GPHN: variants seen among roughly 807,000 people sequenced by gnomAD.
GPHN encodes the protein gephyrin.
A neutral mutation model predicts 95.5 loss-of-function variants in GPHN; 17 were observed. That is an observed-to-expected ratio of 0.18 (90% CI 0.12 to 0.27). GPHN has a LOEUF of 0.27. GPHN is among the 10% of genes least tolerant of loss of function. GPHN has a pLI of 1.00. For missense variants in GPHN, 660 were observed against 978.1 expected (o/e 0.67, Z 4.34); for synonymous variants, 320 against 322.5 (o/e 0.99, Z 0.08).
the GPHN span, among the ~76,000 whole-genome samples, chr14:67,300,068 T>A: frequency 6.6e-6 from 1 of 152,116 alleles, no homozygotes; most frequent in African/African-American, 2.4e-5. Context: ...ATTGTAAGAT[T>A]TTAGTTGAGT....
chr14:67,355,619 C>G, the GPHN span, among the ~76,000 whole-genome samples: 1 of 151,762 alleles, frequency 6.6e-6, no homozygotes, highest in Admixed American at 6.6e-5. Context: ...CTAGAACAGC[C>G]AAAGGAGCCA....
chr14:66,916,860 T>C (rs1200340090), intron 6 of GPHN, among the ~76,000 whole-genome samples: 2 of 152,212 alleles, frequency 1.3e-5, no homozygotes, highest in African/African-American at 4.8e-5. Flanking sequence ...TTTTTTATTG[T>C]ATAGCAACAC....
the GPHN span, among the ~76,000 whole-genome samples, chr14:67,448,691 A>G: frequency 6.6e-6 from 1 of 152,040 alleles, no homozygotes; most frequent in African/African-American, 2.4e-5. Flanking sequence ...ATGCTGCCCT[A>G]CTGATCACAA....
chr14:66,651,276 C>T (rs1307142909), intron 1 of GPHN, among the ~76,000 whole-genome samples: 1 of 152,180 alleles, frequency 6.6e-6, no homozygotes, highest in Non-Finnish European at 1.5e-5. Flanking sequence ...CTCGATCTGT[C>T]GCTTCAGGGG....
the GPHN span, among the ~76,000 whole-genome samples, chr14:67,327,375 G>A: frequency 0.016 from 2,466 of 151,578 alleles, 70 homozygotes; most frequent in African/African-American, 0.056. Context: ...TATAAAAGGC[G>A]GGGTACAGTG....
At chr14:67,095,853 A>G (rs1422695674) in intron 12 of GPHN, among the ~76,000 whole-genome samples, 1 of 151,406 alleles carries the variant, frequency 6.6e-6, no homozygotes, top group Non-Finnish European at 1.5e-5. Flanking sequence ...TGGGTGCAGC[A>G]CACCAGCATG....
chr14:66,521,207 T>C (rs12880878), intron 1 of GPHN, among the ~76,000 whole-genome samples: 4 of 152,192 alleles, frequency 2.6e-5, no homozygotes, highest in Non-Finnish European at 5.9e-5. Context: ...TTTCTATTTC[T>C]CTGGGTATAT....
chr14:66,508,586 T>C lies in GPHN; in HGVS notation c.59T>C (p.Leu20Pro). The C allele has an allele frequency of 6.2e-7, 1 of 1,613,360 alleles. No individual in the cohort carries two copies. Among genetic ancestry groups the C allele is most frequent in the Non-Finnish European group, 8.5e-7 (1 of 1,179,320 alleles). The change falls in exon 1 of 23, where the codon CTT (leucine) becomes CCT (proline). Residue 20 changes from leucine (L) to proline (P), a missense_variant. Transcript: ENST00000478722. ...GACCATCAAATCCGTGTCGGAGTCC[T>C]TACAGGTAACCGGGGGAGGAGGTCT... is the stretch of plus-strand genomic sequence containing the variant. ...NHDHQIRVGV[L>P]TVSDSCFRNL...
At chr14:67,032,238 T>C (rs2074226965) in intron 10 of GPHN, among the ~76,000 whole-genome samples, 1 of 152,146 alleles carries the variant, frequency 6.6e-6, no homozygotes, top group Admixed American at 6.5e-5. Flanking sequence ...ACTGCCCAAA[T>C]AACTGCCTTC....
At chr14:67,312,435 AAAT>A in the GPHN span, 4 of 939,190 alleles carry the variant, frequency 4.3e-6, no homozygotes, top group East Asian at 3.0e-5. Flanking sequence ...TAAAATTAAA[AAAT>A]AATAAAAAAT....
chr14:67,510,496 A>T, the GPHN span, among the ~76,000 whole-genome samples: 16 of 152,266 alleles, frequency 1.1e-4, no homozygotes, highest in South Asian at 6.2e-4. Context: ...TGCAGGCTAT[A>T]TGAAAGCTTT....
At chr14:66,647,701 CATAAT>C (rs1200987313) in intron 1 of GPHN, among the ~76,000 whole-genome samples, 2 of 151,982 alleles carry the variant, frequency 1.3e-5, no homozygotes, top group African/African-American at 4.8e-5. Context: ...CACCCTCTCT[CATAAT>C]ATTATATTGT....
At chr14:67,574,377 C>A in the GPHN span, 2 of 1,586,434 alleles carry the variant, frequency 1.3e-6, no homozygotes, top group Admixed American at 1.8e-5. The surrounding 1 kb of genome is among the most constrained non-coding windows in gnomAD (Gnocchi z 4.2). Context: ...TGGCACCAAG[C>A]CCACCGTGAA....
the GPHN span, among the ~76,000 whole-genome samples, chr14:67,595,229 G>A: frequency 1.3e-5 from 2 of 152,168 alleles, no homozygotes; most frequent in South Asian, 4.2e-4. Flanking sequence ...TTACAGTAAC[G>A]TGTGGTAAAT....
the GPHN span, among the ~76,000 whole-genome samples, chr14:67,347,079 G>A: frequency 1.3e-5 from 2 of 152,072 alleles, no homozygotes; most frequent in South Asian, 4.1e-4. Context: ...TACCTCCCCA[G>A]CTCAAGCAAT....
At chr14:66,727,308 C>A (rs2071337093) in intron 2 of GPHN, among the ~76,000 whole-genome samples, 1 of 152,114 alleles carries the variant, frequency 6.6e-6, no homozygotes, top group South Asian at 2.1e-4. Context: ...TTATCAACAG[C>A]ATGAAAATGG....
chr14:66,687,660 T>C (rs191910402), intron 2 of GPHN, among the ~76,000 whole-genome samples: 1 of 152,170 alleles, frequency 6.6e-6, no homozygotes, highest in Admixed American at 6.5e-5. Context: ...CGGCTAATTT[T>C]GTGTTTTTAG....
chr14:66,880,091 T>G, intron 5 of GPHN, 58 bp downstream of exon 5: 1 of 1,066,994 alleles, frequency 9.4e-7, no homozygotes, highest in South Asian at 1.3e-5. Flanking sequence ...TTCCGTGATA[T>G]TAAAAAAAAT....
At chr14:67,665,118 G>A in the GPHN span, among the ~76,000 whole-genome samples, 1 of 152,204 alleles carries the variant, frequency 6.6e-6, no homozygotes, top group African/African-American at 2.4e-5. Context: ...CTCCCAAAGT[G>A]CTGGGATAAC....
Sources: gnomAD v4.1 joint callset for allele counts (sites outside exome capture counted in the v4.1 genomes callset) on GRCh38, gnomAD v4.1.1 for gene constraint, Gnocchi (gnomAD v3.1) non-coding constraint, MANE v1.5 for transcripts, NCBI Gene and HGNC (gene_info 2026-07-23, HGNC 2026-07-21) for gene names.